The following SETD7 variants were observed in gnomAD, a reference collection of about 807,000 sequenced individuals.
The protein encoded by SETD7 is SET domain containing 7, histone lysine methyltransferase, also known as histone-lysine N-methyltransferase SETD7.
SETD7 carries 16 observed loss-of-function variants against 41.8 expected under a neutral mutation model. The observed-to-expected ratio is 0.38, with a 90% CI of 0.26 to 0.58. SETD7 has a LOEUF of 0.58. Among genes scored for constraint, SETD7 ranks in the 20% least tolerant of loss-of-function variants. SETD7 has a pLI of 0.64. For missense variants in SETD7, 346 were observed against 459.7 expected (o/e 0.75, Z 2.26); for synonymous variants, 163 against 169.7 (o/e 0.96, Z 0.31).
intron 2 of SETD7, among the ~76,000 whole-genome samples, chr4:139,537,012 G>A (rs1727657853): frequency 6.6e-6 from 1 of 152,172 alleles, no homozygotes; most frequent in Middle Eastern, 3.4e-3. Flanking sequence ...TTTCACTCTT[G>A]TTGCCCAGGC....
intron 1 of SETD7, among the ~76,000 whole-genome samples, chr4:139,553,019 T>C (rs574725174): frequency 1.3e-5 from 2 of 152,296 alleles, no homozygotes; most frequent in South Asian, 4.1e-4. Flanking sequence ...CAAAGTGTTT[T>C]CCAAAAGCCA....
intron 3 of SETD7, among the ~76,000 whole-genome samples, chr4:139,532,096 A>G (rs1032313100): frequency 2.0e-5 from 3 of 151,862 alleles, no homozygotes; most frequent in Admixed American, 6.6e-5. Flanking sequence ...TCTGTCTCAA[A>G]ACAAAAAAAG....
intron 7 of SETD7, chr4:139,496,587 C>A (rs1438689089): frequency 1.5e-6 from 1 of 656,790 alleles, no homozygotes; most frequent in Non-Finnish European, 2.7e-6. Context: ...AGATCTCAAG[C>A]CACGGTGCTG....
rs546211488 is a variant in SETD7, at chr4:139,555,628, C to A, written c.40+470G>T. On this transcript the variant is annotated intron_variant, in intron 1 of 7. Coordinates refer to ENST00000274031, the MANE Select transcript of SETD7 (RefSeq NM_030648.4). The surrounding 1 kb of genome is among the most constrained non-coding windows in gnomAD (Gnocchi z 4.0). Reference sequence around the variant, plus strand: ...GGACCTACCCGGACGGGGCCGCGGCCGCCGCGGGGCGCAGAGGCAGCAGAA... The same window carrying A: ...GGACCTACCCGGACGGGGCCGCGGCAGCCGCGGGGCGCAGAGGCAGCAGAA... Among the ~76,000 whole-genome samples, 6 of 152,106 alleles carry A rather than the reference C, an allele frequency of 3.9e-5. No individual in the cohort carries two copies. Among genetic ancestry groups the A allele is most frequent in the African/African-American group, 1.2e-4 (5 of 41,552 alleles).
chr4:139,527,868 T>TA (rs1220841256), intron 4 of SETD7, among the ~76,000 whole-genome samples: 1 of 152,068 alleles, frequency 6.6e-6, no homozygotes, highest in African/African-American at 2.4e-5. Context: ...ATTTTTAACT[T>TA]AAAAAAACAA....
intron 6 of SETD7, among the ~76,000 whole-genome samples, chr4:139,518,720 A>C (rs1345465945): frequency 1.3e-5 from 2 of 152,228 alleles, no homozygotes; most frequent in Non-Finnish European, 2.9e-5. Flanking sequence ...GGATGCAAGA[A>C]TGTACTCTAG....
At chr4:139,543,798 C>CAA (rs1182628309) in intron 2 of SETD7, among the ~76,000 whole-genome samples, 2,097 of 119,908 alleles carry the variant, frequency 0.017, 66 homozygotes, top group African/African-American at 0.053. Flanking sequence ...TAAAAAAATA[C>CAA]AAAAAAAAAA....
chr4:139,499,553 AC>A (rs560576489), intron 7 of SETD7, among the ~76,000 whole-genome samples: 17 of 151,058 alleles, frequency 1.1e-4, no homozygotes, highest in Admixed American at 3.3e-4. Context: ...TGGTCCCAAG[AC>A]CCCCCCTCCC....
chr4:139,525,080 G>A (rs1165869132), intron 4 of SETD7, among the ~76,000 whole-genome samples: 2 of 152,212 alleles, frequency 1.3e-5, no homozygotes, highest in Admixed American at 1.3e-4. Flanking sequence ...GCCTCCCAAA[G>A]TGCGGGTATT....
rs569281663 is a variant in SETD7 at position 139,533,145 on chromosome 4, T to A, written c.372+20A>T. 4 of 1,596,786 alleles carry A rather than the reference T, an allele frequency of 2.5e-6. No individual in the cohort carries two copies. The highest frequency in any genetic ancestry group is 2.2e-5 in the South Asian group (2 of 90,724). ...CACAGTATGTTACTTTCCAGCAGAG[T>A]GAACAGTCACACGGCTTACTGGGTA... On this transcript the variant is annotated intron_variant, in intron 3 of 7. Transcript: ENST00000274031.
chr4:139,509,906 C>T lies in SETD7; in HGVS notation c.*1757G>A. On this transcript the variant is annotated 3_prime_UTR_variant, in exon 8 of 8. Coordinates refer to ENST00000274031, the MANE Select transcript of SETD7 (RefSeq NM_030648.4). ...TCAAGCAGGGATCCAACTGGATCTC[C>T]CTGAAACCACTGCCACCTAGCTGCA... 1.0e-6 allele frequency: 1 copy of T among 984,996 alleles called. No homozygotes were observed. 61.0% of individuals were successfully genotyped at this position (984,996 alleles called of 1,614,324 possible). A position where few individuals can be genotyped will look rare whatever the true frequency, so the allele number is the denominator to read the frequency against.
chr4:139,505,038 G>T (rs1726667378), downstream of SETD7, among the ~76,000 whole-genome samples: 1 of 152,192 alleles, frequency 6.6e-6, no homozygotes, highest in African/African-American at 2.4e-5. Flanking sequence ...TCCAACATCA[G>T]TTTGGACCCA....
intron 3 of SETD7, among the ~76,000 whole-genome samples, chr4:139,529,475 C>G (rs1397892004): frequency 6.6e-6 from 1 of 152,126 alleles, no homozygotes; most frequent in Non-Finnish European, 1.5e-5. Flanking sequence ...TGGGAAATTC[C>G]GTTGCAGTTT....
chr4:139,500,411 G>T (rs1726546515), intron 7 of SETD7, among the ~76,000 whole-genome samples: 1 of 152,184 alleles, frequency 6.6e-6, no homozygotes, highest in South Asian at 2.1e-4. Flanking sequence ...TTCTTCTGTT[G>T]AGATCCTTCC....
chr4:139,533,715 C>T (rs1432541234), intron 2 of SETD7, among the ~76,000 whole-genome samples: 2 of 152,166 alleles, frequency 1.3e-5, no homozygotes, highest in African/African-American at 4.8e-5. Context: ...ACAAGCAAAC[C>T]ATTCATGTCT....
At chr4:139,505,519 G>A (rs1475154777), downstream of SETD7, among the ~76,000 whole-genome samples, 4 of 152,036 alleles carry the variant, frequency 2.6e-5, no homozygotes, top group Admixed American at 2.6e-4. Flanking sequence ...AATCCCGGAG[G>A]TGGAGGCTGC....
chr4:139,494,667 C>T (rs138837177), downstream of SETD7, among the ~76,000 whole-genome samples: 38 of 152,302 alleles, frequency 2.5e-4, 1 homozygote, highest in Admixed American at 1.4e-3. Context: ...TCAACATAGA[C>T]ACAGAAGTTC....
intron 2 of SETD7, among the ~76,000 whole-genome samples, chr4:139,543,539 A>G (rs13434515): frequency 0.14 from 21,554 of 152,168 alleles, 2,054 homozygotes; most frequent in African/African-American, 0.26. Context: ...TCCCCTTAAG[A>G]TATTAACTCC....
intron 2 of SETD7, among the ~76,000 whole-genome samples, chr4:139,537,978 A>G (rs960763297): frequency 2.0e-5 from 3 of 152,230 alleles, no homozygotes; most frequent in Non-Finnish European, 4.4e-5. Flanking sequence ...AAGAGCAGCT[A>G]TTATTATTAA....
Sources: gnomAD v4.1 joint callset for allele counts (sites outside exome capture counted in the v4.1 genomes callset) on GRCh38, gnomAD v4.1.1 for gene constraint, Gnocchi (gnomAD v3.1) non-coding constraint, MANE v1.5 for transcripts, NCBI Gene and HGNC (gene_info 2026-07-23, HGNC 2026-07-21) for gene names.